STK33: variants seen among roughly 807,000 people sequenced by gnomAD.
STK33 encodes serine/threonine kinase 33.
A neutral mutation model predicts 58.0 loss-of-function variants in STK33; 52 were observed. The observed-to-expected ratio is 0.90, with a 90% confidence interval of 0.72 to 1.13. The LOEUF (loss-of-function observed/expected upper bound fraction) is 1.13. STK33 is among the 50% of genes most tolerant of loss of function. The probability of loss-of-function intolerance (pLI) is 0.00; values close to 1 mark genes in which losing one functional copy is unlikely to be tolerated. For missense variants in STK33, 630 were observed against 604.2 expected, an observed-to-expected ratio of 1.04 and a Z score of -0.45; for synonymous variants, 215 against 200.1, an observed-to-expected ratio of 1.07 and a Z score of -0.63.
chr11:8,483,072 A>G (rs10743073), intron 1 of STK33, among the ~76,000 whole-genome samples: 40,634 of 152,034 alleles, frequency 0.27, 5,656 homozygotes, highest in African/African-American at 0.34. Context: ...GACTAACTAT[A>G]TAACACTTGT....
At chr11:8,564,176 G>A (rs1266621851) in intron 1 of STK33, among the ~76,000 whole-genome samples, 1 of 152,230 alleles carries the variant, frequency 6.6e-6, no homozygotes, top group Admixed American at 6.5e-5. Context: ...AAAGCTATCT[G>A]AAGAAGATGG....
chr11:8,362,871 C>T, the STK33 span, among the ~76,000 whole-genome samples: 16 of 151,566 alleles, frequency 1.1e-4, no homozygotes, highest in Non-Finnish European at 1.5e-4. Context: ...TCCCTCTCTT[C>T]CTCCCTCCCT....
chr11:8,371,637 TTTC>T, the STK33 span, among the ~76,000 whole-genome samples: 81,049 of 150,460 alleles, frequency 0.54, 21,942 homozygotes, highest in African/African-American at 0.6. Flanking sequence ...TCCTTCCTTC[TTTC>T]TTCCTTTCTT....
At chr11:8,404,464 G>A (rs1242638138) in intron 15 of STK33, among the ~76,000 whole-genome samples, 1 of 152,028 alleles carries the variant, frequency 6.6e-6, no homozygotes, top group Admixed American at 6.6e-5. Flanking sequence ...CAACTATTCT[G>A]ATTTTTTCAA....
At chr11:8,552,896 A>C (rs1249476483) in intron 1 of STK33, among the ~76,000 whole-genome samples, 1 of 151,772 alleles carries the variant, frequency 6.6e-6, no homozygotes, top group Admixed American at 6.6e-5. Context: ...CATGTCTATA[A>C]TCCCAACACT....
At position 8,440,686 on chromosome 11, in the gene STK33, C is replaced by T. The variant is rs199755441; in HGVS notation, c.939G>A (p.Met313Ile). ...QCDIWSIGVV[M>I]YMLLRGEPPF... ...TTTAGCAGGCTACTTACAACATGTACATTACGACGCCTATGCTCCAAATGT... is the reference window on the plus strand; with the variant it reads ...TTTAGCAGGCTACTTACAACATGTATATTACGACGCCTATGCTCCAAATGT... Residue 313 changes from methionine to isoleucine, a missense_variant, in exon 12 of 16, where the codon ATG becomes ATA. Met to Ile is a conservative substitution (Grantham distance 10, BLOSUM62 1). Coordinates refer to ENST00000687296, the MANE Select transcript of STK33 (RefSeq NM_001352389.2). 7.0e-6 allele frequency: 11 copies of T among 1,563,418 alleles called. No individual in the cohort carries two copies. Among genetic ancestry groups the T allele is most frequent in the Non-Finnish European group, 8.7e-6 (10 of 1,151,922 alleles).
chr11:8,341,620 G>T, the STK33 span, among the ~76,000 whole-genome samples: 2 of 152,238 alleles, frequency 1.3e-5, no homozygotes, highest in Non-Finnish European at 2.9e-5. Context: ...CATTTAGCCT[G>T]CCCCAGAGAA....
chr11:8,519,435 A>G lies in STK33; in HGVS notation c.-465-38821T>C, dbSNP rs180999097. On this transcript the variant is annotated intron_variant, in intron 1 of 15. Transcript: ENST00000687296. ...CCTAACATCACAATTAAAAGAACTA[A>G]AGAAGCAAGAGCAAACACATTCAAA... Among the ~76,000 whole-genome samples the G allele has an allele frequency of 4.1e-3, 626 of 152,208 alleles. 3 individuals are homozygous for G. Among genetic ancestry groups the G allele is most frequent in the African/African-American group, 0.014 (597 of 41,552 alleles).
intron 14 of STK33, among the ~76,000 whole-genome samples, chr11:8,416,728 T>C (rs1292595436): frequency 6.6e-6 from 1 of 152,176 alleles, no homozygotes; most frequent in Non-Finnish European, 1.5e-5. Context: ...CTTGAAGAAA[T>C]GACCCTACTT....
At chr11:8,411,976 G>A (rs1940328897) in intron 15 of STK33, among the ~76,000 whole-genome samples, 1 of 152,114 alleles carries the variant, frequency 6.6e-6, no homozygotes, top group African/African-American at 2.4e-5. Context: ...TGGAGGAGTG[G>A]GAGGGGAAAA....
chr11:8,526,806 G>A (rs1954067244), intron 1 of STK33, among the ~76,000 whole-genome samples: 1 of 126,236 alleles, frequency 7.9e-6, no homozygotes, highest in South Asian at 2.5e-4. Flanking sequence ...CATCATTGAT[G>A]AATATTACAA....
chr11:8,579,444 T>C (rs1958410350), intron 1 of STK33, among the ~76,000 whole-genome samples: 1 of 152,074 alleles, frequency 6.6e-6, no homozygotes, highest in Admixed American at 6.6e-5. Flanking sequence ...TCCTTTAAAA[T>C]ACAATGCAAT....
chr11:8,508,900 T>C (rs1952083235), intron 1 of STK33, among the ~76,000 whole-genome samples: 1 of 152,158 alleles, frequency 6.6e-6, no homozygotes, highest in African/African-American at 2.4e-5. Context: ...GCAGATCACC[T>C]GAGATCGAGA....
chr11:8,459,886 A>T (rs1217581853), intron 8 of STK33, among the ~76,000 whole-genome samples: 1 of 152,214 alleles, frequency 6.6e-6, no homozygotes, highest in African/African-American at 2.4e-5. Flanking sequence ...CTGGGGGGGA[A>T]ATATGCAAAA....
At chr11:8,583,989 G>C (rs1282294160) in intron 1 of STK33, among the ~76,000 whole-genome samples, 2 of 151,820 alleles carry the variant, frequency 1.3e-5, no homozygotes, top group East Asian at 3.9e-4. Flanking sequence ...TAGTGGCTGA[G>C]CTCAAAAAGC....
At chr11:8,432,644 T>C (rs1207561781) in intron 14 of STK33, among the ~76,000 whole-genome samples, 3 of 152,218 alleles carry the variant, frequency 2.0e-5, no homozygotes, top group African/African-American at 7.2e-5. Context: ...TAGAAAAATG[T>C]TACTATGTGT....
At chr11:8,501,753 C>T (rs1454711443) in intron 1 of STK33, among the ~76,000 whole-genome samples, 11 of 152,140 alleles carry the variant, frequency 7.2e-5, no homozygotes, top group Admixed American at 4.6e-4. Flanking sequence ...CAGCATTATT[C>T]ATAATAGCCA....
the STK33 span, among the ~76,000 whole-genome samples, chr11:8,354,474 T>TCACACACACACACACACACACACA: frequency 5.6e-3 from 699 of 124,702 alleles, 8 homozygotes; most frequent in East Asian, 0.01. Flanking sequence ...CTGCAAAACC[T>TCACACACACACACACACACACACA]CACACACACA....
At chr11:8,396,089 C>A (rs535808839) in intron 15 of STK33, among the ~76,000 whole-genome samples, 6 of 152,118 alleles carry the variant, frequency 3.9e-5, no homozygotes, top group Non-Finnish European at 8.8e-5. Flanking sequence ...AATCTACTTA[C>A]CTTTCTTTAT....
Sources: allele counts gnomAD v4.1 joint callset (sites outside exome capture counted in the v4.1 genomes callset), GRCh38; gene constraint gnomAD v4.1.1; transcripts MANE v1.5; gene names NCBI Gene and HGNC (gene_info 2026-07-23, HGNC 2026-07-21).